Variants in SLC12A2 observed in about 807,000 individuals in gnomAD.
The protein encoded by SLC12A2 is solute carrier family 12 member 2.
A neutral mutation model predicts 136.3 loss-of-function variants in SLC12A2; 67 were observed. The observed-to-expected ratio is 0.49, with a 90% CI of 0.40 to 0.60. SLC12A2 has a LOEUF of 0.60. Among genes scored for constraint, SLC12A2 ranks in the 20% least tolerant of loss-of-function variants. The probability of loss-of-function intolerance (pLI) is 0.00; values close to 1 mark genes in which losing one functional copy is unlikely to be tolerated. For synonymous variants in SLC12A2, 619 were observed against 562.9 expected, an observed-to-expected ratio of 1.10 and a Z score of -1.41; for missense variants, 1,322 against 1,534.7, an observed-to-expected ratio of 0.86 and a Z score of 2.32.
In SLC12A2 at chr5:128,135,751, A is replaced by G; in HGVS notation, c.1351A>G (p.Ile451Val). The change falls in exon 7 of 27, where the codon ATA becomes GTA. Residue 451 changes from isoleucine to valine, a missense_variant. This residue lies in a region of SLC12A2 where 110 missense variants were observed against 114.5 expected (regional missense o/e 0.96). Transcript: ENST00000262461. ...ILLLAIGDFVIGTFIPLESKK... is the reference protein window; with the variant it reads ...ILLLAIGDFVVGTFIPLESKK... Reference sequence around the variant, plus strand: ...ACTTCTTGCTATTGGTGATTTCGTCATAGGAACATTTATCCCACTGGAGAG... The same window carrying G: ...ACTTCTTGCTATTGGTGATTTCGTCGTAGGAACATTTATCCCACTGGAGAG... 1 of 1,612,874 alleles carries G rather than the reference A, an allele frequency of 6.2e-7. No homozygotes were observed. The highest frequency in any genetic ancestry group is 1.1e-5 in the South Asian group (1 of 90,914).
intron 1 of SLC12A2, among the ~76,000 whole-genome samples, chr5:128,094,218 C>T (rs1189169201): frequency 6.7e-6 from 1 of 150,250 alleles, no homozygotes; most frequent in Non-Finnish European, 1.5e-5. Context: ...ACCATTATGT[C>T]CTTTGCTATC....
At chr5:128,168,505 A>T (rs1278334347) in intron 18 of SLC12A2, 2 of 152,202 alleles carry the variant, frequency 1.3e-5, no homozygotes, top group African/African-American at 4.8e-5. Context: ...AGACATGGGT[A>T]GTGGTGGGGT....
intron 4 of SLC12A2, among the ~76,000 whole-genome samples, chr5:128,118,675 A>G (rs536639891): frequency 1.3e-5 from 2 of 152,160 alleles, no homozygotes; most frequent in Non-Finnish European, 2.9e-5. Context: ...AATCACCATT[A>G]AAGAACTTAC....
chr5:128,154,125 T>A (rs1035176950), intron 15 of SLC12A2, among the ~76,000 whole-genome samples: 5 of 150,816 alleles, frequency 3.3e-5, no homozygotes, highest in Admixed American at 2.6e-4. Context: ...TTAAAAAAAA[T>A]TTATTTTTGG....
intron 1 of SLC12A2, chr5:128,110,729 A>T: frequency 6.9e-7 from 1 of 1,454,864 alleles, no homozygotes; most frequent in Non-Finnish European, 9.7e-7. Context: ...GTGAAGAGCA[A>T]CCTGAGCGAT....
intron 1 of SLC12A2, among the ~76,000 whole-genome samples, chr5:128,094,807 C>T (rs774208625): frequency 1.9e-4 from 29 of 152,104 alleles, no homozygotes; most frequent in Admixed American, 3.3e-4. Context: ...TCCAGTAACT[C>T]GTAACTTGTG....
At position 128,180,916 on chromosome 5, in the gene SLC12A2, C is replaced by T. The variant is rs777580088; in HGVS notation, c.3134C>T (p.Thr1045Ile). The T allele has an allele frequency of 5.0e-6, 8 of 1,610,528 alleles. No individual in the cohort carries two copies. In the Middle Eastern group the frequency reaches 1.3e-3, roughly 266 times the overall value. Residue 1045 changes from threonine (T) to isoleucine (I), a missense_variant, in exon 23 of 27, where the codon ACC (threonine) becomes ATC (isoleucine). Coordinates refer to ENST00000262461, the MANE Select transcript of SLC12A2 (RefSeq NM_001046.3). ...LTLLIPYLLT[T>I]KKKWKDCKIR... ...TTATTGATACCTTACCTTCTGACGACCAAGAAAAAATGGAAAGACTGTAAG... is the reference window on the plus strand; with the variant it reads ...TTATTGATACCTTACCTTCTGACGATCAAGAAAAAATGGAAAGACTGTAAG...
chr5:128,141,881 CA>C lies in SLC12A2; in HGVS notation c.1674del (p.Glu559SerfsTer2). 1 of 1,613,914 alleles carries C rather than the reference CA, an allele frequency of 6.2e-7. No homozygotes were observed. Among genetic ancestry groups the C allele is most frequent in the East Asian group, 2.2e-5 (1 of 44,846 alleles). ...GGAAACGTTAATGACACTATCGTAA[CA>C]GAGCTAACAAACTGTACTTCTGCAG... ...ATGNVNDTIV[T>X]ELTNCTSAAC... On this transcript the variant is annotated frameshift_variant, in exon 10 of 27. Transcript: ENST00000262461. LOFTEE classifies it high-confidence loss of function.
At position 128,084,742 on chromosome 5, in the gene SLC12A2, G is replaced by A; in HGVS notation, c.756+32G>A. On this transcript the variant is annotated intron_variant, in intron 1 of 26. Coordinates refer to ENST00000262461, the MANE Select transcript of SLC12A2 (RefSeq NM_001046.3). This position sits in a 1 kb window ranked among gnomAD's most constrained non-coding sequence, Gnocchi z 5.6. ...TCGCCCAGCCCTCCCTTCTTCCCCAGCCCCTGGTGCATGCCGACCGCGGGA... is the reference window on the plus strand; with the variant it reads ...TCGCCCAGCCCTCCCTTCTTCCCCAACCCCTGGTGCATGCCGACCGCGGGA... 2 of 1,517,806 alleles carry A rather than the reference G, an allele frequency of 1.3e-6. No individual in the cohort carries two copies. The highest frequency in any genetic ancestry group is 1.8e-6 in the Non-Finnish European group (2 of 1,129,276). 94.0% of individuals were successfully genotyped at this position (1,517,806 alleles called of 1,614,324 possible). A position where few individuals can be genotyped will look rare whatever the true frequency, so the allele number is the denominator to read the frequency against.
intron 10 of SLC12A2, 113 bp downstream of exon 10, chr5:128,142,094 A>AT (rs1762385305): frequency 4.3e-5 from 38 of 890,542 alleles, no homozygotes; most frequent in East Asian, 8.2e-5. Flanking sequence ...GACAGTTGTT[A>AT]TTTTTTTTAA....
At chr5:128,144,492 C>T (rs767053259) in intron 10 of SLC12A2, among the ~76,000 whole-genome samples, 5 of 152,044 alleles carry the variant, frequency 3.3e-5, no homozygotes, top group Non-Finnish European at 5.9e-5. Context: ...TATCTTCTTG[C>T]TCTTAAATTT....
At chr5:128,101,650 T>A (rs1162158018) in intron 1 of SLC12A2, among the ~76,000 whole-genome samples, 1 of 152,250 alleles carries the variant, frequency 6.6e-6, no homozygotes, top group African/African-American at 2.4e-5. Context: ...AATAATGCTA[T>A]GTCCAGAAGT....
chr5:128,164,123 A>G (rs1358077788), intron 17 of SLC12A2, among the ~76,000 whole-genome samples: 2 of 152,174 alleles, frequency 1.3e-5, no homozygotes, highest in South Asian at 2.1e-4. Context: ...AGAATCATCT[A>G]GTAGACTTGT....
intron 4 of SLC12A2, among the ~76,000 whole-genome samples, chr5:128,115,306 G>A (rs1449293542): frequency 6.6e-6 from 1 of 152,130 alleles, no homozygotes; most frequent in Non-Finnish European, 1.5e-5. Context: ...TGTATTTTTA[G>A]TAGAGATGGC....
intron 4 of SLC12A2, 110 bp downstream of exon 4, chr5:128,114,791 A>G: frequency 5.9e-6 from 4 of 677,936 alleles, no homozygotes; most frequent in Admixed American, 5.6e-5. Flanking sequence ...TATTAAGTCT[A>G]TATAGACAAG....
intron 1 of SLC12A2, among the ~76,000 whole-genome samples, chr5:128,091,061 C>A (rs895701270): frequency 6.6e-6 from 1 of 152,170 alleles, no homozygotes; most frequent in Non-Finnish European, 1.5e-5. Context: ...AGGCAGGAAA[C>A]CAGTTAGAAG....
rs573523357 is a variant in SLC12A2 at position 128,150,664 on chromosome 5, C to T, written c.2107+566C>T. 4.0e-5 allele frequency among the ~76,000 whole-genome samples: 6 copies of T among 151,710 alleles called. 1 individual carries two copies. The South Asian group carries it at 1.2e-3, about 32-fold the overall frequency. ...AAAATAATTTTGGCTTTGGAACTACCTACCAATGAAAATTGAAAAACATGG... is the reference window on the plus strand; with the variant it reads ...AAAATAATTTTGGCTTTGGAACTACTTACCAATGAAAATTGAAAAACATGG... On this transcript the variant is annotated intron_variant, in intron 13 of 26. Coordinates refer to ENST00000262461, the MANE Select transcript of SLC12A2 (RefSeq NM_001046.3).
chr5:128,112,024 A>C (rs1443040512), intron 1 of SLC12A2, among the ~76,000 whole-genome samples: 1 of 152,262 alleles, frequency 6.6e-6, no homozygotes. Flanking sequence ...CAGAACATCT[A>C]TTTCCTAAAC....
Position 128,158,110 on chromosome 5 carries a change from T to A in SLC12A2, c.2421T>A (p.Leu807=). 1 of 1,613,714 alleles carries A rather than the reference T, an allele frequency of 6.2e-7. No homozygotes were observed. Among genetic ancestry groups the A allele is most frequent in the Non-Finnish European group, 8.5e-7 (1 of 1,179,758 alleles). Residue 807 remains leucine, a synonymous_variant, in exon 16 of 27, where the codon CTT becomes CTA. Transcript: ENST00000262461. ...APNSRPALLH[L]VHDFTKNVGL... ...ACTCACGTCCAGCTTTACTTCATCT[T>A]GTTCATGATTTCACAAAAAATGTTG...
Sources: gnomAD v4.1 joint callset for allele counts (sites outside exome capture counted in the v4.1 genomes callset) on GRCh38, gnomAD v4.1.1 for gene constraint, gnomAD v4.1.1 regional missense constraint, Gnocchi (gnomAD v3.1) non-coding constraint, MANE v1.5 for transcripts, NCBI Gene and HGNC (gene_info 2026-07-23, HGNC 2026-07-21) for gene names.